ABCC11: variants seen among roughly 807,000 people sequenced by gnomAD.
ABCC11 encodes ATP binding cassette subfamily C member 11.
In ABCC11, 135 loss-of-function variants were observed where a neutral mutation model predicts 149.3. That is an observed-to-expected ratio of 0.90 (90% CI 0.79 to 1.04). The LOEUF (loss-of-function observed/expected upper bound fraction) is 1.04, where lower values mean the gene tolerates loss of function less well. ABCC11 is among the 50% of genes least tolerant of loss of function. The pLI, the probability that ABCC11 is intolerant of heterozygous loss-of-function variation, is 0.00. For missense variants in ABCC11, 1,680 were observed against 1,722.1 expected (o/e 0.98, Z 0.43); for synonymous variants, 665 against 671.4 (o/e 0.99, Z 0.15).
At position 48,211,047 on chromosome 16, in the gene ABCC11, AG is replaced by A; in HGVS notation, c.1508del (p.Ala503ValfsTer5). The A allele has an allele frequency of 2.5e-6, 4 of 1,614,182 alleles. No homozygotes were observed. Among genetic ancestry groups the A allele is most frequent in the Non-Finnish European group, 3.4e-6 (4 of 1,180,028 alleles). On this transcript the variant is annotated frameshift_variant, in exon 11 of 30. Transcript: ENST00000356608. LOFTEE classifies it high-confidence loss of function. ...CTCTAGGCCTGGTCATCCCCTCAGA[AG>A]CATGCCCGTTCCTCTCCAGCTCCAG... ...GALELERNGHASEGMTRPRDA... is the reference protein window; with the variant it reads ...GALELERNGHXSEGMTRPRDA...
chr16:48,195,932 A>C (rs1967362969), intron 18 of ABCC11, among the ~76,000 whole-genome samples: 1 of 152,148 alleles, frequency 6.6e-6, no homozygotes, highest in Admixed American at 6.5e-5. Flanking sequence ...CCAGGAGCTC[A>C]AGACCAGCCT....
At chr16:48,236,774 C>T (rs1970710798) in intron 1 of ABCC11, among the ~76,000 whole-genome samples, 1 of 152,218 alleles carries the variant, frequency 6.6e-6, no homozygotes, top group South Asian at 2.1e-4. Flanking sequence ...GCAGGTTAAA[C>T]TTGGGCCTAT....
chr16:48,246,812 C>T (rs1333771160), intron 1 of ABCC11, among the ~76,000 whole-genome samples: 2 of 152,082 alleles, frequency 1.3e-5, no homozygotes, highest in African/African-American at 4.8e-5. Context: ...TGGACTCAAG[C>T]TATCCCCTGC....
At chr16:48,221,446 TAA>T (rs879900375) in intron 6 of ABCC11, among the ~76,000 whole-genome samples, 12 of 138,116 alleles carry the variant, frequency 8.7e-5, no homozygotes, top group African/African-American at 5.3e-5. Flanking sequence ...TGTTATGCTG[TAA>T]AAAAAAAAAA....
rs1454259669 is a variant in ABCC11 at position 48,176,922 on chromosome 16, A to G, written c.3538+2T>C. The G allele has an allele frequency of 1.2e-6, 2 of 1,613,078 alleles. No homozygotes were observed. The highest frequency in any genetic ancestry group is 1.7e-6 in the Non-Finnish European group (2 of 1,179,826). On this transcript the variant is annotated splice_donor_variant, in intron 25 of 29. Coordinates refer to ENST00000356608, the MANE Select transcript of ABCC11 (RefSeq NM_001370497.1). LOFTEE classifies it high-confidence loss of function. ...GACGCTCGCCCAGGAAGCTCAGCTC[A>G]CCAGAGCCCGTCCTTCCCACGATGC...
intron 14 of ABCC11, among the ~76,000 whole-genome samples, chr16:48,201,813 G>A (rs1272637236): frequency 6.6e-6 from 1 of 152,220 alleles, no homozygotes; most frequent in African/African-American, 2.4e-5. Flanking sequence ...CCAAGTTACT[G>A]AGCATGTTTT....
intron 6 of ABCC11, among the ~76,000 whole-genome samples, chr16:48,218,536 A>T (rs1331038174): frequency 1.3e-5 from 2 of 152,230 alleles, no homozygotes; most frequent in African/African-American, 4.8e-5. Flanking sequence ...AGGCATGTCA[A>T]AAGTACTGTA....
chr16:48,233,289 C>T lies in ABCC11; in HGVS notation c.-18-1350G>A, dbSNP rs530335852. Among the ~76,000 whole-genome samples, 4 of 152,322 alleles carry T rather than the reference C, an allele frequency of 2.6e-5. No homozygotes were observed. In the South Asian group the frequency reaches 8.3e-4, roughly 32 times the overall value. ...TAACCCATTACTTTGTGAGAAGTTA[C>T]TCTAGATTTCTTTGTCCCACTCCTT... On this transcript the variant is annotated intron_variant, in intron 1 of 29. Coordinates refer to ENST00000356608, the MANE Select transcript of ABCC11 (RefSeq NM_001370497.1).
In ABCC11 at chr16:48,205,490, A is replaced by G; in HGVS notation, c.1728T>C (p.Tyr576=). ...GSVGVQGSLA[Y]VPQQAWIVSG... is the part of the protein sequence containing the mutation. Reference sequence around the variant, plus strand: ...TGACGATCCAGGCCTGCTGGGGGACATAGGCCAGGCTTCCCTGCACCCCCA... The same window carrying G: ...TGACGATCCAGGCCTGCTGGGGGACGTAGGCCAGGCTTCCCTGCACCCCCA... Residue 576 remains tyrosine, a synonymous_variant, in exon 13 of 30, where the codon TAT becomes TAC. Transcript: ENST00000356608. 1 of 1,614,146 alleles carries G rather than the reference A, an allele frequency of 6.2e-7. No individual in the cohort carries two copies. Among genetic ancestry groups the G allele is most frequent in the Non-Finnish European group, 8.5e-7 (1 of 1,180,034 alleles).
intron 18 of ABCC11, among the ~76,000 whole-genome samples, chr16:48,195,435 C>T (rs1332997398): frequency 6.6e-6 from 1 of 152,232 alleles, no homozygotes; most frequent in Non-Finnish European, 1.5e-5. Context: ...TCTGTGTGCA[C>T]AGCCTACCTC....
intron 4 of ABCC11, 106 bp from the exon 5 acceptor site, chr16:48,224,535 C>A (rs1969948798): frequency 7.9e-7 from 1 of 1,260,250 alleles, no homozygotes; most frequent in Non-Finnish European, 1.1e-6. Flanking sequence ...TCAAACATAA[C>A]AGAATAGAAC....
In ABCC11 at chr16:48,196,253, G is replaced by A. The variant is rs267604559; in HGVS notation, c.2383C>T (p.His795Tyr). ...EGSLSWRVYH[H>Y]YIQAAGGYMV... ...GTACCTCCAGCTGCCTGGATGTAGT[G>A]GTGGTAGACCCTCCAACTCAAGGAG... The change falls in exon 18 of 30, where the codon CAC becomes TAC. Residue 795 changes from histidine to tyrosine, a missense_variant. Coordinates refer to ENST00000356608, the MANE Select transcript of ABCC11 (RefSeq NM_001370497.1). 1 of 1,614,154 alleles carries A rather than the reference G, an allele frequency of 6.2e-7. No individual in the cohort carries two copies. The highest frequency in any genetic ancestry group is 8.5e-7 in the Non-Finnish European group (1 of 1,180,020).
At chr16:48,209,358 T>A (rs1396959170) in intron 11 of ABCC11, 1 of 152,316 alleles carries the variant, frequency 6.6e-6, no homozygotes, top group East Asian at 1.9e-4. Context: ...GGGACCAGTT[T>A]CATGGAAGAC....
At chr16:48,213,354 A>G in intron 10 of ABCC11, 89 bp downstream of exon 10, 1 of 1,179,960 alleles carries the variant, frequency 8.5e-7, no homozygotes, top group South Asian at 1.4e-5. Flanking sequence ...GGCCTTGGCC[A>G]GGGGACGTGT....
intron 26 of ABCC11, among the ~76,000 whole-genome samples, chr16:48,174,731 T>C (rs1160547842): frequency 6.6e-6 from 1 of 152,250 alleles, no homozygotes; most frequent in Non-Finnish European, 1.5e-5. Context: ...CAAGAAAGAA[T>C]ATGGTAGCCT....
intron 10 of ABCC11, among the ~76,000 whole-genome samples, chr16:48,212,866 A>G (rs1037409270): frequency 3.3e-5 from 5 of 152,198 alleles, no homozygotes; most frequent in African/African-American, 1.2e-4. Context: ...AGCTATGTAA[A>G]TAAGTGAAGT....
intron 1 of ABCC11, among the ~76,000 whole-genome samples, chr16:48,243,945 TC>T (rs1219507516): frequency 1.3e-5 from 2 of 152,070 alleles, no homozygotes; most frequent in African/African-American, 4.8e-5. Flanking sequence ...GCCGTGGGTA[TC>T]GCGCCATTGC....
intron 10 of ABCC11, among the ~76,000 whole-genome samples, chr16:48,212,137 G>A (rs1045725943): frequency 7.9e-5 from 12 of 152,178 alleles, no homozygotes; most frequent in Non-Finnish European, 1.2e-4. Flanking sequence ...TCAGGGAAGC[G>A]CACTGGGCTG....
At position 48,187,369 on chromosome 16, in the gene ABCC11, C is replaced by T. The variant is rs2150768735; in HGVS notation, c.2765G>A (p.Cys922Tyr). 2 of 1,614,146 alleles carry T rather than the reference C, an allele frequency of 1.2e-6. No homozygotes were observed. The highest frequency in any genetic ancestry group is 2.2e-5 in the South Asian group (2 of 91,086). Reference protein sequence around the residue: ...DTIPIGRLLNCFAGDLEQLDQ... With the variant: ...DTIPIGRLLNYFAGDLEQLDQ... The stretch of plus-strand genomic sequence containing the variant: ...CAGCTGTTCCAAGTCCCCTGCGAAG[C>T]AGTTCAAAAGCCGGCCTATTGGGAT... The change falls in exon 21 of 30, where the codon TGC (cysteine) becomes TAC (tyrosine). Residue 922 changes from cysteine to tyrosine, a missense_variant. By Grantham distance (194) the Cys-to-Tyr change is radical. Transcript: ENST00000356608.
Sources: allele counts gnomAD v4.1 joint callset (sites outside exome capture counted in the v4.1 genomes callset), GRCh38; gene constraint gnomAD v4.1.1; transcripts MANE v1.5; gene names NCBI Gene and HGNC (gene_info 2026-07-23, HGNC 2026-07-21).